Variants in POLE2 observed in about 807,000 individuals in gnomAD.
POLE2 encodes DNA polymerase epsilon subunit 2.
POLE2 carries 56 observed loss-of-function variants against 79.4 expected under a neutral mutation model. The observed-to-expected ratio is 0.71, with a 90% CI of 0.57 to 0.88. The LOEUF is 0.88. Ranked by LOEUF, POLE2 falls within the 40% of genes least tolerant of loss-of-function variation. The pLI is 0.00. For missense variants in POLE2, 598 were observed against 638.9 expected (o/e 0.94, Z 0.69); for synonymous variants, 212 against 214.0 (o/e 0.99, Z 0.08).
intron 13 of POLE2, 69 bp downstream of exon 13, chr14:49,654,715 A>G (rs1227568320): frequency 1.4e-6 from 2 of 1,464,600 alleles, no homozygotes; most frequent in African/African-American, 3.0e-5. Context: ...TGCTGATATA[A>G]CAAAATTCAT....
intron 1 of POLE2, among the ~76,000 whole-genome samples, chr14:49,687,424 G>A (rs1887233339): frequency 6.6e-6 from 1 of 151,060 alleles, no homozygotes; most frequent in African/African-American, 2.4e-5. Context: ...TCAAAAACAC[G>A]GATATGCCCA....
At chr14:49,678,004 T>A (rs1041305031) in intron 3 of POLE2, 1 of 134,864 alleles carries the variant, frequency 7.4e-6, no homozygotes, top group Non-Finnish European at 1.5e-5. Context: ...ATTTATTTTA[T>A]TTTTTTTTTT....
At chr14:49,647,996 C>A (rs550896474) in intron 17 of POLE2, among the ~76,000 whole-genome samples, 3 of 152,160 alleles carry the variant, frequency 2.0e-5, no homozygotes, top group Non-Finnish European at 4.4e-5. Flanking sequence ...AAAAAATAAA[C>A]AGACTGTGTA....
At chr14:49,647,584 G>C (rs1370214383) in intron 17 of POLE2, among the ~76,000 whole-genome samples, 1 of 151,918 alleles carries the variant, frequency 6.6e-6, no homozygotes, top group Non-Finnish European at 1.5e-5. Context: ...CTCCCAGGTA[G>C]CTGGGACCAC....
intron 3 of POLE2, among the ~76,000 whole-genome samples, chr14:49,674,918 G>A (rs564104485): frequency 1.3e-5 from 2 of 152,122 alleles, no homozygotes; most frequent in African/African-American, 4.8e-5. Flanking sequence ...TTTAGCTTGT[G>A]CATTTTCATC....
intron 17 of POLE2, among the ~76,000 whole-genome samples, chr14:49,648,365 G>A (rs1883940864): frequency 6.6e-6 from 1 of 152,212 alleles, no homozygotes; most frequent in Admixed American, 6.5e-5. Flanking sequence ...TGATGGTGTA[G>A]GAGGTGGTGG....
rs60811856 is a variant in POLE2 at position 49,687,300 on chromosome 14, CCACACACACACACACACACACACA to C, written c.68+812_68+835del. ...ATACATATATATATATACACACACA[CCACACACACACACACACACACACA>C]CACACACACACACGTACATATAGAA... is the stretch of plus-strand genomic sequence containing the variant. On this transcript the variant is annotated intron_variant, in intron 1 of 18. Coordinates refer to ENST00000216367, the MANE Select transcript of POLE2 (RefSeq NM_002692.4). 6.4e-5 allele frequency among the ~76,000 whole-genome samples: 9 copies of C among 139,830 alleles called. No homozygotes were observed. The South Asian group carries it at 9.4e-4, about 15-fold the overall frequency. The allele number at this position is 139,830 out of a possible 152,430, so 91.7% of individuals were successfully genotyped here.
intron 18 of POLE2, among the ~76,000 whole-genome samples, chr14:49,644,709 G>T (rs970569140): frequency 1.3e-5 from 2 of 151,820 alleles, no homozygotes; most frequent in African/African-American, 2.4e-5. Context: ...CAAATATTTA[G>T]ATATATATAC....
chr14:49,659,685 A>G (rs975178700), intron 10 of POLE2, among the ~76,000 whole-genome samples: 1 of 152,152 alleles, frequency 6.6e-6, no homozygotes, highest in African/African-American at 2.4e-5. Context: ...GGCTCAAGCA[A>G]TGCTGCCACT....
At chr14:49,647,215 C>G in intron 18 of POLE2, 78 bp downstream of exon 18, 1 of 766,158 alleles carries the variant, frequency 1.3e-6, no homozygotes, top group Non-Finnish European at 2.2e-6. Context: ...AATCCCAACA[C>G]ACTGATAGAA....
intron 10 of POLE2, among the ~76,000 whole-genome samples, chr14:49,656,649 C>G (rs887136305): frequency 6.6e-6 from 1 of 152,068 alleles, no homozygotes; most frequent in Non-Finnish European, 1.5e-5. Context: ...AGTGGGTAAT[C>G]TACACACTCC....
At chr14:49,679,649 T>C (rs1444737643) in intron 3 of POLE2, 76 bp downstream of exon 3, 4 of 744,678 alleles carry the variant, frequency 5.4e-6, no homozygotes, top group East Asian at 2.6e-5. Context: ...TCACTAATAA[T>C]TTTCCAAGAC....
chr14:49,663,034 C>G (rs1885198254), intron 10 of POLE2, among the ~76,000 whole-genome samples: 1 of 152,176 alleles, frequency 6.6e-6, no homozygotes, highest in Non-Finnish European at 1.5e-5. Flanking sequence ...GTTGTCTTAT[C>G]TCACTTCAAC....
In POLE2 at chr14:49,677,239, G is replaced by A. The variant is rs553358893; in HGVS notation, c.245+2486C>T. On this transcript the variant is annotated intron_variant, in intron 3 of 18. Coordinates refer to ENST00000216367, the MANE Select transcript of POLE2 (RefSeq NM_002692.4). Reference sequence around the variant, plus strand: ...TTACCTCACGGCTTACTGTCTGAGGGAGTAGGGTGCTAAGCATGAGGCCCA... The same window carrying A: ...TTACCTCACGGCTTACTGTCTGAGGAAGTAGGGTGCTAAGCATGAGGCCCA... 2.6e-5 allele frequency: 19 copies of A among 738,918 alleles called. No homozygotes were observed. The East Asian group carries it at 4.7e-4, about 18-fold the overall frequency. 45.8% of individuals were successfully genotyped at this position (738,918 alleles called of 1,614,324 possible). A position where few individuals can be genotyped will look rare whatever the true frequency, so the allele number is the denominator to read the frequency against.
At chr14:49,678,239 G>A (rs191751415) in intron 3 of POLE2, among the ~76,000 whole-genome samples, 11 of 152,158 alleles carry the variant, frequency 7.2e-5, no homozygotes, top group Admixed American at 3.9e-4. Flanking sequence ...CTGACCTCAG[G>A]TGATCTGCCC....
intron 3 of POLE2, among the ~76,000 whole-genome samples, chr14:49,676,308 C>A (rs1208132085): frequency 6.6e-6 from 1 of 152,110 alleles, no homozygotes; most frequent in African/African-American, 2.4e-5. Context: ...GTTTATCTCC[C>A]AAATTGAAAA....
At chr14:49,677,830 C>A (rs1886396082) in intron 3 of POLE2, 1 of 494,676 alleles carries the variant, frequency 2.0e-6, no homozygotes, top group Non-Finnish European at 3.4e-6. Flanking sequence ...ACAATGCTTG[C>A]CTCCTCAGTC....
At chr14:49,654,931 T>G in intron 12 of POLE2, 74 bp downstream of exon 12, 1 of 1,366,022 alleles carries the variant, frequency 7.3e-7, no homozygotes, top group South Asian at 1.6e-5. Flanking sequence ...TTAATTAAAA[T>G]ATTATGGATA....
intron 6 of POLE2, among the ~76,000 whole-genome samples, chr14:49,668,645 A>C (rs1885662942): frequency 6.6e-6 from 1 of 152,178 alleles, no homozygotes; most frequent in Non-Finnish European, 1.5e-5. Context: ...TTAAGCCTTA[A>C]AATTACTTTG....
Sources: gnomAD v4.1 joint callset for allele counts (sites outside exome capture counted in the v4.1 genomes callset) on GRCh38, gnomAD v4.1.1 for gene constraint, MANE v1.5 for transcripts, NCBI Gene and HGNC (gene_info 2026-07-23, HGNC 2026-07-21) for gene names.